PPP1R2C: variants seen among roughly 807,000 people sequenced by gnomAD.
The protein encoded by PPP1R2C is PPP1R2 family member C.
For synonymous variants in PPP1R2C, 58 were observed against 27.9 expected (o/e 2.08, Z -3.39); for missense variants, 118 against 63.1 (o/e 1.87, Z -2.95).
In PPP1R2C at chrX:42,778,134, C is replaced by T. The variant is rs1358845153; in HGVS notation, c.-55G>A. The T allele has an allele frequency of 4.3e-6, 2 of 468,201 alleles. No homozygotes were observed. Among genetic ancestry groups the T allele is most frequent in the Non-Finnish European group, 7.5e-6 (2 of 265,690 alleles). The allele number at this position is 468,201 out of a possible 1,213,427, so 38.6% of individuals were successfully genotyped here. On this transcript the variant is annotated 5_prime_UTR_variant, in exon 1 of 1. Transcript: ENST00000378131. ...GGGCCGCTGAGTAGCCGTCCACCGCCCTCCAGTCTGAAACTGCAGGGCGGT... is the reference window on the plus strand; with the variant it reads ...GGGCCGCTGAGTAGCCGTCCACCGCTCTCCAGTCTGAAACTGCAGGGCGGT...
At position 42,777,677 on chromosome X, in the gene PPP1R2C, G is replaced by A. The variant is rs968885807; in HGVS notation, c.403C>T (p.Arg135Trp). Residue 135 changes from arginine to tryptophan, a missense_variant, in exon 1 of 1, where the codon CGG (arginine) becomes TGG (tryptophan). By Grantham distance (101) the Arg-to-Trp change is moderately radical. Coordinates refer to ENST00000378131, the MANE Select transcript of PPP1R2C (RefSeq NM_025210.2). Reference protein sequence around the residue: ...KILLHKQEKKRQFEMRRRLHY... With the variant: ...KILLHKQEKKWQFEMRRRLHY... Reference sequence around the variant, plus strand: ...AGCCTTCTTCTCATTTCGAACTGCCGCTTTTTCTCCTGTTTGTGGAGGAGG... The same window carrying A: ...AGCCTTCTTCTCATTTCGAACTGCCACTTTTTCTCCTGTTTGTGGAGGAGG... 2 of 515,293 alleles carry A rather than the reference G, an allele frequency of 3.9e-6. No individual in the cohort carries two copies. Among genetic ancestry groups the A allele is most frequent in the Non-Finnish European group, 7.0e-6 (2 of 287,062 alleles). 42.5% of individuals were successfully genotyped at this position (515,293 alleles called of 1,213,427 possible). A position where few individuals can be genotyped will look rare whatever the true frequency, so the allele number is the denominator to read the frequency against.
At position 42,777,531 on chromosome X, in the gene PPP1R2C, C is replaced by T. The variant is rs1374203406; in HGVS notation, c.549G>A (p.Ala183=). Residue 183 remains alanine (A), a synonymous_variant, in exon 1 of 1, where the codon GCG becomes GCA. Transcript: ENST00000378131. ...TCAGAGGAGCTTCCTCTGATTCTTC[C>T]GCAGCAGTCTTCTCTTCGTTCGTGC... ...PQGTNEEKTA[A]EESEEAPLTG... 5.8e-6 allele frequency: 3 copies of T among 514,161 alleles called. No individual in the cohort carries two copies. Among genetic ancestry groups the T allele is most frequent in the South Asian group, 2.5e-5 (1 of 40,578 alleles). 42.4% of individuals were successfully genotyped at this position (514,161 alleles called of 1,213,427 possible).
rs1293796899 is a variant in PPP1R2C at position 42,777,748 on chromosome X, C to G, written c.332G>C (p.Cys111Ser). 2 of 515,333 alleles carry G rather than the reference C, an allele frequency of 3.9e-6. No individual in the cohort carries two copies. Among genetic ancestry groups the G allele is most frequent in the Admixed American group, 5.3e-5 (2 of 37,953 alleles). 42.5% of individuals were successfully genotyped at this position (515,333 alleles called of 1,213,427 possible). A position where few individuals can be genotyped will look rare whatever the true frequency, so the allele number is the denominator to read the frequency against. ...KEATDASDHS[C>S]EVDEQESSEA... ...ACTGCTCTCTTGCTCGTCCACCTCA[C>G]AGCTGTGGTCGGAAGCATCGGTGGC... The change falls in exon 1 of 1, where the codon TGT becomes TCT. Residue 111 changes from cysteine to serine, a missense_variant. Physicochemically the swap from Cys to Ser is moderately radical, Grantham distance 112. Transcript: ENST00000378131.
rs1181111207 is a variant in PPP1R2C, at chrX:42,778,119, G to T, written c.-40C>A. 3 of 483,314 alleles carry T rather than the reference G, an allele frequency of 6.2e-6. No homozygotes were observed. The East Asian group carries it at 1.1e-4, about 18-fold the overall frequency. 39.8% of individuals were successfully genotyped at this position (483,314 alleles called of 1,213,427 possible). Reference sequence around the variant, plus strand: ...GGCTGCGAGAGAGTTGGGCCGCTGAGTAGCCGTCCACCGCCCTCCAGTCTG... The same window carrying T: ...GGCTGCGAGAGAGTTGGGCCGCTGATTAGCCGTCCACCGCCCTCCAGTCTG... On this transcript the variant is annotated 5_prime_UTR_variant, in exon 1 of 1. Coordinates refer to ENST00000378131, the MANE Select transcript of PPP1R2C (RefSeq NM_025210.2).
Position 42,778,152 on chromosome X carries a change from A to C in PPP1R2C, c.-73T>G. 2.2e-6 allele frequency: 1 copy of C among 458,727 alleles called. No individual in the cohort carries two copies. Among genetic ancestry groups the C allele is most frequent in the Non-Finnish European group, 3.8e-6 (1 of 261,449 alleles). 37.8% of individuals were successfully genotyped at this position (458,727 alleles called of 1,213,427 possible). On this transcript the variant is annotated 5_prime_UTR_variant, in exon 1 of 1. Coordinates refer to ENST00000378131, the MANE Select transcript of PPP1R2C (RefSeq NM_025210.2). ...CCACCGCCCTCCAGTCTGAAACTGCAGGGCGGTCTGTGTGGGCAACAGGTC... is the reference window on the plus strand; with the variant it reads ...CCACCGCCCTCCAGTCTGAAACTGCCGGGCGGTCTGTGTGGGCAACAGGTC...
In PPP1R2C at chrX:42,777,630, G is replaced by A; in HGVS notation, c.450C>T (p.Asn150=). The A allele has an allele frequency of 1.9e-6, 1 of 515,370 alleles. No individual in the cohort carries two copies. Among genetic ancestry groups the A allele is most frequent in the African/African-American group, 2.3e-5 (1 of 43,916 alleles). The allele number at this position is 515,370 out of a possible 1,213,427, so 42.5% of individuals were successfully genotyped here. The change falls in exon 1 of 1, where the codon AAC becomes AAT. Residue 150 remains asparagine (N), a synonymous_variant. Transcript: ENST00000378131. ...ACATTAATTGTCTAGCTAATTTGAT[G>A]TTCAATTCTTCGTTGTAGTGAAGCC... is the stretch of plus-strand genomic sequence containing the variant. The part of the protein sequence containing the change: ...RRRLHYNEEL[N]IKLARQLMWK...
chrX:42,778,024 C>G lies in PPP1R2C; in HGVS notation c.56G>C (p.Ser19Thr). ...RPIKGILKNK[S>T]SSGSSVATSG... ...AGTCGCCACCGAGGAACCCGACGAGCTTTTGTTTTTCAGGATCCCCTTGAT... is the reference window on the plus strand; with the variant it reads ...AGTCGCCACCGAGGAACCCGACGAGGTTTTGTTTTTCAGGATCCCCTTGAT... The change falls in exon 1 of 1, where the codon AGC (serine) becomes ACC (threonine). Residue 19 changes from serine to threonine, a missense_variant. Coordinates refer to ENST00000378131, the MANE Select transcript of PPP1R2C (RefSeq NM_025210.2). The G allele has an allele frequency of 3.9e-6, 2 of 514,943 alleles. No individual in the cohort carries two copies. Among genetic ancestry groups the G allele is most frequent in the Non-Finnish European group, 7.0e-6 (2 of 286,830 alleles). 42.4% of individuals were successfully genotyped at this position (514,943 alleles called of 1,213,427 possible).
Position 42,777,603 on chromosome X carries a change from C to A in PPP1R2C, c.477G>T (p.Trp159Cys). The change falls in exon 1 of 1, where the codon TGG (tryptophan) becomes TGT (cysteine). Residue 159 changes from tryptophan to cysteine, a missense_variant. Coordinates refer to ENST00000378131, the MANE Select transcript of PPP1R2C (RefSeq NM_025210.2). ...LNIKLARQLM[W>C]KELQSEDNEN... is the part of the protein sequence containing the mutation. ...CATTATCTTCACTTTGTAGCTCTTT[C>A]CACATTAATTGTCTAGCTAATTTGA... The A allele has an allele frequency of 5.8e-6, 3 of 515,439 alleles. No individual in the cohort carries two copies. The South Asian group carries it at 7.4e-5, about 13-fold the overall frequency. 42.5% of individuals were successfully genotyped at this position (515,439 alleles called of 1,213,427 possible).
At position 42,777,769 on chromosome X, in the gene PPP1R2C, G is replaced by A. The variant is rs1476305965; in HGVS notation, c.311C>T (p.Thr104Ile). The change falls in exon 1 of 1, where the codon ACC (threonine) becomes ATC (isoleucine). Residue 104 changes from threonine (T) to isoleucine (I), a missense_variant. Transcript: ENST00000378131. ...SVRGVEGKEA[T>I]DASDHSCEVD... ...CTCACAGCTGTGGTCGGAAGCATCGGTGGCTTCCTTTCCTTCGACACCACG... is the reference window on the plus strand; with the variant it reads ...CTCACAGCTGTGGTCGGAAGCATCGATGGCTTCCTTTCCTTCGACACCACG... 2 of 513,302 alleles carry A rather than the reference G, an allele frequency of 3.9e-6. No individual in the cohort carries two copies. Among genetic ancestry groups the A allele is most frequent in the South Asian group, 2.5e-5 (1 of 40,517 alleles). The allele number at this position is 513,302 out of a possible 1,213,427, so 42.3% of individuals were successfully genotyped here.
rs1047377481 is a variant in PPP1R2C, at chrX:42,777,481, C to T, written c.599G>A (p.Cys200Tyr). ...PLTGGLQTQS[C>Y]DP is the part of the protein sequence containing the mutation. ...TGAAGCAGGCATCTTCTAAGGGTCG[C>T]ATGACTGGGTTTGCAGTCCACCGGT... The change falls in exon 1 of 1, where the codon TGC becomes TAC. Residue 200 changes from cysteine (C) to tyrosine (Y), a missense_variant. Physicochemically the swap from Cys to Tyr is radical, Grantham distance 194. Transcript: ENST00000378131. 8 of 510,564 alleles carry T rather than the reference C, an allele frequency of 1.6e-5. No homozygotes were observed. Among genetic ancestry groups the T allele is most frequent in the Non-Finnish European group, 2.5e-5 (7 of 285,168 alleles). The allele number at this position is 510,564 out of a possible 1,213,427, so 42.1% of individuals were successfully genotyped here.
chrX:42,777,926 T>G lies in PPP1R2C; in HGVS notation c.154A>C (p.Ile52Leu), dbSNP rs1216277668. The stretch of plus-strand genomic sequence containing the variant: ...TACGTTGCGCGGTGTGCCGCAAGGA[T>G]GCTTGATTCGTCCCACTTTTGGGAT... Reference protein sequence around the residue: ...KKSQKWDESSILAAHRATYRD... With the variant: ...KKSQKWDESSLLAAHRATYRD... The change falls in exon 1 of 1, where the codon ATC (isoleucine) becomes CTC (leucine). Residue 52 changes from isoleucine to leucine, a missense_variant. Transcript: ENST00000378131. The G allele has an allele frequency of 3.9e-6, 2 of 515,467 alleles. No individual in the cohort carries two copies. Among genetic ancestry groups the G allele is most frequent in the Non-Finnish European group, 7.0e-6 (2 of 287,044 alleles). The allele number at this position is 515,467 out of a possible 1,213,427, so 42.5% of individuals were successfully genotyped here. A position where few individuals can be genotyped will look rare whatever the true frequency, so the allele number is the denominator to read the frequency against.
rs1925050549 is a variant in PPP1R2C, at chrX:42,777,778, T to C, written c.302A>G (p.Lys101Arg). Reference protein sequence around the residue: ...GEDSVRGVEGKEATDASDHSC... With the variant: ...GEDSVRGVEGREATDASDHSC... ...GTGGTCGGAAGCATCGGTGGCTTCC[T>C]TTCCTTCGACACCACGCACTGAATC... The change falls in exon 1 of 1, where the codon AAG (lysine) becomes AGG (arginine). Residue 101 changes from lysine (K) to arginine (R), a missense_variant. Lys to Arg is a conservative substitution (Grantham distance 26). Coordinates refer to ENST00000378131, the MANE Select transcript of PPP1R2C (RefSeq NM_025210.2). 1.9e-6 allele frequency: 1 copy of C among 513,393 alleles called. No homozygotes were observed. Among genetic ancestry groups the C allele is most frequent in the Non-Finnish European group, 3.5e-6 (1 of 286,727 alleles). 42.3% of individuals were successfully genotyped at this position (513,393 alleles called of 1,213,427 possible). A position where few individuals can be genotyped will look rare whatever the true frequency, so the allele number is the denominator to read the frequency against.
In PPP1R2C at chrX:42,778,039, A is replaced by G. The variant is rs1277646003; in HGVS notation, c.41T>C (p.Ile14Thr). Residue 14 changes from isoleucine to threonine, a missense_variant, in exon 1 of 1, where the codon ATC (isoleucine) becomes ACC (threonine). Transcript: ENST00000378131. ...ACCCGACGAGCTTTTGTTTTTCAGG[A>G]TCCCCTTGATGGGCCGGTGCGAGGA... ...STSSHRPIKG[I>T]LKNKSSSGSS... 1.9e-6 allele frequency: 1 copy of G among 513,871 alleles called. No homozygotes were observed. 42.3% of individuals were successfully genotyped at this position (513,871 alleles called of 1,213,427 possible).
Position 42,777,683 on chromosome X carries a change from T to C in PPP1R2C, c.397A>G (p.Lys133Glu), listed in dbSNP as rs978982992. ...MRKILLHKQE[K>E]KRQFEMRRRL... is the part of the protein sequence containing the mutation. ...CTTCTCATTTCGAACTGCCGCTTTTTCTCCTGTTTGTGGAGGAGGATTTTT... is the reference window on the plus strand; with the variant it reads ...CTTCTCATTTCGAACTGCCGCTTTTCCTCCTGTTTGTGGAGGAGGATTTTT... Residue 133 changes from lysine to glutamate, a missense_variant, in exon 1 of 1, where the codon AAA becomes GAA. Physicochemically the swap from Lys to Glu is moderately conservative, Grantham distance 56. Transcript: ENST00000378131. 25 of 514,003 alleles carry C rather than the reference T, an allele frequency of 4.9e-5. No homozygotes were observed. The highest frequency in any genetic ancestry group is 8.0e-5 in the Non-Finnish European group (23 of 286,883). 42.4% of individuals were successfully genotyped at this position (514,003 alleles called of 1,213,427 possible). A position where few individuals can be genotyped will look rare whatever the true frequency, so the allele number is the denominator to read the frequency against.
In PPP1R2C at chrX:42,777,738, G is replaced by A. The variant is rs1320518958; in HGVS notation, c.342C>T (p.Asp114=). Reference sequence around the variant, plus strand: ...TGTAGGCCTCACTGCTCTCTTGCTCGTCCACCTCACAGCTGTGGTCGGAAG... The same window carrying A: ...TGTAGGCCTCACTGCTCTCTTGCTCATCCACCTCACAGCTGTGGTCGGAAG... ...TDASDHSCEV[D]EQESSEAYMR... is the part of the protein sequence containing the mutation. Residue 114 remains aspartate (D), a synonymous_variant, in exon 1 of 1, where the codon GAC becomes GAT. Transcript: ENST00000378131. 1 of 514,912 alleles carries A rather than the reference G, an allele frequency of 1.9e-6. No individual in the cohort carries two copies. Among genetic ancestry groups the A allele is most frequent in the Non-Finnish European group, 3.5e-6 (1 of 286,997 alleles). The allele number at this position is 514,912 out of a possible 1,213,427, so 42.4% of individuals were successfully genotyped here.
rs1230290064 is a variant in PPP1R2C at position 42,777,399 on chromosome X, T to C, written c.*72A>G. 1 of 456,486 alleles carries C rather than the reference T, an allele frequency of 2.2e-6. No homozygotes were observed. Among genetic ancestry groups the C allele is most frequent in the Non-Finnish European group, 3.8e-6 (1 of 262,003 alleles). 37.6% of individuals were successfully genotyped at this position (456,486 alleles called of 1,213,427 possible). ...ACAAGGTTTGTATTTCACAAACAAT[T>C]GCAAGGGTGAAGCAGATATCTTCTA... On this transcript the variant is annotated 3_prime_UTR_variant, in exon 1 of 1. Coordinates refer to ENST00000378131, the MANE Select transcript of PPP1R2C (RefSeq NM_025210.2).
Position 42,777,642 on chromosome X carries a change from G to A in PPP1R2C, c.438C>T (p.Asn146=). ...QFEMRRRLHY[N]EELNIKLARQ... ...TAGCTAATTTGATGTTCAATTCTTCGTTGTAGTGAAGCCTTCTTCTCATTT... is the reference window on the plus strand; with the variant it reads ...TAGCTAATTTGATGTTCAATTCTTCATTGTAGTGAAGCCTTCTTCTCATTT... Residue 146 remains asparagine (N), a synonymous_variant, in exon 1 of 1, where the codon AAC becomes AAT. Coordinates refer to ENST00000378131, the MANE Select transcript of PPP1R2C (RefSeq NM_025210.2). 1 of 515,123 alleles carries A rather than the reference G, an allele frequency of 1.9e-6. No homozygotes were observed. 42.5% of individuals were successfully genotyped at this position (515,123 alleles called of 1,213,427 possible). A position where few individuals can be genotyped will look rare whatever the true frequency, so the allele number is the denominator to read the frequency against.
Position 42,777,444 on chromosome X carries a change from C to T in PPP1R2C, c.*27G>A, listed in dbSNP as rs1925040549. On this transcript the variant is annotated 3_prime_UTR_variant, in exon 1 of 1. Coordinates refer to ENST00000378131, the MANE Select transcript of PPP1R2C (RefSeq NM_025210.2). ...CTTCTAAGCGTCACATATTCACAAA[C>T]AATTGCAAGGGTGAAGCAGGCATCT... 1 of 488,222 alleles carries T rather than the reference C, an allele frequency of 2.0e-6. No individual in the cohort carries two copies. The highest frequency in any genetic ancestry group is 3.1e-5 in the Admixed American group (1 of 32,476). 40.2% of individuals were successfully genotyped at this position (488,222 alleles called of 1,213,427 possible).
chrX:42,777,512 G>T lies in PPP1R2C; in HGVS notation c.568C>A (p.Pro190Thr). 1.9e-6 allele frequency: 1 copy of T among 515,177 alleles called. No individual in the cohort carries two copies. The highest frequency in any genetic ancestry group is 3.5e-6 in the Non-Finnish European group (1 of 287,018). The allele number at this position is 515,177 out of a possible 1,213,427, so 42.5% of individuals were successfully genotyped here. A position where few individuals can be genotyped will look rare whatever the true frequency, so the allele number is the denominator to read the frequency against. The change falls in exon 1 of 1, where the codon CCT becomes ACT. Residue 190 changes from proline (P) to threonine (T), a missense_variant. By Grantham distance (38) the Pro-to-Thr change is conservative. Transcript: ENST00000378131. ...KTAAEESEEA[P>T]LTGGLQTQSC... is the part of the protein sequence containing the mutation. ...TGGGTTTGCAGTCCACCGGTCAGAG[G>T]AGCTTCCTCTGATTCTTCCGCAGCA...
Sources: allele counts gnomAD v4.1 joint callset, GRCh38; gene constraint gnomAD v4.1.1; transcripts MANE v1.5; gene names NCBI Gene and HGNC (gene_info 2026-07-23, HGNC 2026-07-21).